The following STK32B variants were observed in gnomAD, a reference collection of about 807,000 sequenced individuals.
STK32B encodes serine/threonine kinase 32B, also known as serine/threonine-protein kinase 32B.
In STK32B, 43 loss-of-function variants were observed where a neutral mutation model predicts 52.6. That is an observed-to-expected ratio of 0.82 (90% confidence interval 0.64 to 1.05). STK32B has a LOEUF of 1.05. Ranked by LOEUF, STK32B falls within the 50% of genes least tolerant of loss-of-function variation. The pLI is 0.00. For synonymous variants in STK32B, 238 were observed against 204.3 expected (o/e 1.17, Z -1.41); for missense variants, 621 against 534.6 (o/e 1.16, Z -1.59).
chr4:5,084,256 T>C (rs1181063766), intron 1 of STK32B, among the ~76,000 whole-genome samples: 1 of 152,244 alleles, frequency 6.6e-6, no homozygotes, highest in Non-Finnish European at 1.5e-5. Flanking sequence ...TTCTTTGTAT[T>C]GGAGAACTGG....
At chr4:5,079,392 A>G (rs1712271831) in intron 1 of STK32B, among the ~76,000 whole-genome samples, 1 of 152,134 alleles carries the variant, frequency 6.6e-6, no homozygotes, top group Admixed American at 6.5e-5. Context: ...TTCCCAAATT[A>G]TTATTCATAA....
At chr4:5,349,727 AT>A (rs1326732249) in intron 4 of STK32B, among the ~76,000 whole-genome samples, 1 of 152,210 alleles carries the variant, frequency 6.6e-6, no homozygotes, top group African/African-American at 2.4e-5. Flanking sequence ...TTGAAAAGCA[AT>A]GCAAAGAAAT....
At chr4:5,489,324 A>G (rs1265087153) in intron 11 of STK32B, among the ~76,000 whole-genome samples, 1 of 152,192 alleles carries the variant, frequency 6.6e-6, no homozygotes, top group African/African-American at 2.4e-5. Flanking sequence ...GCCTGTAAAT[A>G]TCAATTGTTT....
intron 3 of STK32B, among the ~76,000 whole-genome samples, chr4:5,177,001 G>T (rs182645602): frequency 6.6e-6 from 1 of 152,106 alleles, no homozygotes; most frequent in Non-Finnish European, 1.5e-5. Flanking sequence ...CTTGTTTACC[G>T]CTAGGAGTGT....
intron 11 of STK32B, among the ~76,000 whole-genome samples, chr4:5,484,268 A>G (rs921428711): frequency 1.3e-5 from 2 of 151,770 alleles, no homozygotes; most frequent in Non-Finnish European, 2.9e-5. Flanking sequence ...GAATCTGGGT[A>G]CTCCTGTATT....
chr4:5,123,873 C>T (rs1715208450), intron 1 of STK32B, among the ~76,000 whole-genome samples: 2 of 152,010 alleles, frequency 1.3e-5, no homozygotes, highest in African/African-American at 2.4e-5. Flanking sequence ...CATCATCAAT[C>T]TCCTCATCCT....
chr4:5,297,746 A>G (rs1041463098), intron 3 of STK32B, among the ~76,000 whole-genome samples: 3 of 149,330 alleles, frequency 2.0e-5, no homozygotes, highest in African/African-American at 7.4e-5. Context: ...AGCTTGGAGG[A>G]GTTTGTTATT....
intron 5 of STK32B, among the ~76,000 whole-genome samples, chr4:5,404,017 G>A (rs576510435): frequency 2.0e-5 from 3 of 151,720 alleles, no homozygotes; most frequent in Middle Eastern, 6.8e-3. Flanking sequence ...TCTTTCCAGC[G>A]AGCTGCCAGA....
rs1463238415 is a variant in STK32B at position 5,058,757 on chromosome 4, T to C, written c.52+6842T>C. The stretch of plus-strand genomic sequence containing the variant: ...ATTTATTTTTTATTTATTTTACTTA[T>C]TTATTTTTTGATATAGAATCTCTCT... On this transcript the variant is annotated intron_variant, in intron 1 of 11. Coordinates refer to ENST00000282908, the MANE Select transcript of STK32B (RefSeq NM_018401.3). This position sits in a 1 kb window ranked among gnomAD's most constrained non-coding sequence, Gnocchi z 4.8. 6.6e-6 allele frequency among the ~76,000 whole-genome samples: 1 copy of C among 152,048 alleles called. No individual in the cohort carries two copies. The highest frequency in any genetic ancestry group is 1.9e-4 in the East Asian group (1 of 5,186).
rs1577554033 is a variant in STK32B, at chr4:5,467,178, C to T, written c.1041+344C>T. ...CTTTTGTGGGTCCTGGGCACTTTGC[C>T]TCTGTGGGCCTCTGTATTCGTTTCC... On this transcript the variant is annotated intron_variant, in intron 10 of 11. Transcript: ENST00000282908. This position sits in a 1 kb window ranked among gnomAD's most constrained non-coding sequence, Gnocchi z 5.8. Among the ~76,000 whole-genome samples the T allele has an allele frequency of 6.6e-6, 1 of 152,172 alleles. No individual in the cohort carries two copies. The highest frequency in any genetic ancestry group is 1.5e-5 in the Non-Finnish European group (1 of 68,030).
intron 3 of STK32B, among the ~76,000 whole-genome samples, chr4:5,236,054 C>A (rs188069998): frequency 1.3e-5 from 2 of 152,288 alleles, no homozygotes; most frequent in East Asian, 3.9e-4. Flanking sequence ...TCTGCAGGGG[C>A]AGTGTCTGGG....
At chr4:5,227,351 T>G (rs1723946631) in intron 3 of STK32B, among the ~76,000 whole-genome samples, 1 of 152,210 alleles carries the variant, frequency 6.6e-6, no homozygotes, top group Admixed American at 6.5e-5. Context: ...CACAATATAT[T>G]AGTAATTTGA....
intron 9 of STK32B, among the ~76,000 whole-genome samples, chr4:5,464,283 G>A (rs923724796): frequency 6.6e-6 from 1 of 152,194 alleles, no homozygotes; most frequent in Non-Finnish European, 1.5e-5. Flanking sequence ...CAGGGGACAG[G>A]CAAGTTATGT....
chr4:5,086,816 G>A (rs993942479), intron 1 of STK32B, among the ~76,000 whole-genome samples: 1 of 152,226 alleles, frequency 6.6e-6, no homozygotes, highest in African/African-American at 2.4e-5. Context: ...AAAATCTACT[G>A]TCAATCAAGA....
chr4:5,203,327 C>T (rs906101608), intron 3 of STK32B, among the ~76,000 whole-genome samples: 3 of 152,174 alleles, frequency 2.0e-5, no homozygotes, highest in Admixed American at 6.5e-5. Flanking sequence ...TTCATCTTCT[C>T]ATTCATTCAT....
At chr4:5,332,430 C>A (rs1044806633) in intron 4 of STK32B, among the ~76,000 whole-genome samples, 15 of 152,198 alleles carry the variant, frequency 9.9e-5, no homozygotes, top group African/African-American at 3.6e-4. Flanking sequence ...GGAATGGGGG[C>A]AGTTGGTGAA....
At chr4:5,206,796 G>T (rs6818801) in intron 3 of STK32B, among the ~76,000 whole-genome samples, 142,035 of 152,230 alleles carry the variant, frequency 0.93, 66,336 homozygotes, top group East Asian at 0.98. Flanking sequence ...AGCCTGCCCC[G>T]GGGTCTGGGA....
intron 1 of STK32B, among the ~76,000 whole-genome samples, chr4:5,101,380 A>G (rs1367453149): frequency 6.6e-6 from 1 of 152,216 alleles, no homozygotes; most frequent in Non-Finnish European, 1.5e-5. Context: ...GGAGAAAAGA[A>G]AGGAGAAAGT....
At chr4:5,198,094 A>G (rs1238009909) in intron 3 of STK32B, among the ~76,000 whole-genome samples, 2 of 152,136 alleles carry the variant, frequency 1.3e-5, no homozygotes, top group African/African-American at 4.8e-5. Flanking sequence ...TTCTTATTTC[A>G]TCAGAGTAGG....
Sources: gnomAD v4.1 joint callset for allele counts (sites outside exome capture counted in the v4.1 genomes callset) on GRCh38, gnomAD v4.1.1 for gene constraint, Gnocchi (gnomAD v3.1) non-coding constraint, MANE v1.5 for transcripts, NCBI Gene and HGNC (gene_info 2026-07-23, HGNC 2026-07-21) for gene names.